The following LOC400499 variants were observed in gnomAD, a reference collection of about 807,000 sequenced individuals.
chr16:11,450,594 C>T, the LOC400499 span: 2 of 1,534,944 alleles, frequency 1.3e-6, no homozygotes, highest in South Asian at 1.2e-5. Context: ...ATATCGGGGG[C>T]CGAGCACTGC....
chr16:11,440,700 G>C, the LOC400499 span: 1 of 399,028 alleles, frequency 2.5e-6, no homozygotes, highest in Non-Finnish European at 4.4e-6. Flanking sequence ...CCCTCGGCAA[G>C]GGAGCAGAAC....
At chr16:11,482,039 C>G in the LOC400499 span, among the ~76,000 whole-genome samples, 3 of 152,266 alleles carry the variant, frequency 2.0e-5, no homozygotes, top group Non-Finnish European at 4.4e-5. Flanking sequence ...ACAAAAGGAA[C>G]TGGATGTGAC....
At chr16:11,400,168 C>A in the LOC400499 span, among the ~76,000 whole-genome samples, 1 of 152,136 alleles carries the variant, frequency 6.6e-6, no homozygotes, top group African/African-American at 2.4e-5. Flanking sequence ...TCTGTCCCTG[C>A]CCATCTGACC....
the LOC400499 span, among the ~76,000 whole-genome samples, chr16:11,519,497 G>T: frequency 2.0e-5 from 3 of 152,104 alleles, no homozygotes; most frequent in East Asian, 5.8e-4. Context: ...AGCACTTTGG[G>T]AGGGCAAGGC....
the LOC400499 span, chr16:11,380,772 G>C: frequency 2.6e-5 from 4 of 152,174 alleles, no homozygotes; most frequent in Non-Finnish European, 5.9e-5. Flanking sequence ...CACTGTGGCT[G>C]TAAGTCTTCT....
the LOC400499 span, chr16:11,417,647 C>T: frequency 5.0e-6 from 2 of 398,998 alleles, no homozygotes; most frequent in Non-Finnish European, 8.8e-6. Flanking sequence ...ATCTGCAGCT[C>T]AGCACTAAGG....
the LOC400499 span, among the ~76,000 whole-genome samples, chr16:11,438,199 C>T: frequency 6.6e-6 from 1 of 152,190 alleles, no homozygotes; most frequent in Admixed American, 6.5e-5. Context: ...CAGACATCAG[C>T]TCCTGGAACA....
At chr16:11,388,434 A>C in the LOC400499 span, among the ~76,000 whole-genome samples, 4 of 152,316 alleles carry the variant, frequency 2.6e-5, no homozygotes, top group Admixed American at 2.6e-4. Context: ...GCACTGAGGC[A>C]GAGGAATCCT....
chr16:11,472,943 C>G, the LOC400499 span: 1 of 151,856 alleles, frequency 6.6e-6, no homozygotes, highest in Non-Finnish European at 1.5e-5. Flanking sequence ...GCCTGGCCAA[C>G]ATAGGAAAAG....
At chr16:11,420,915 C>G in the LOC400499 span, among the ~76,000 whole-genome samples, 1 of 152,358 alleles carries the variant, frequency 6.6e-6, no homozygotes, top group African/African-American at 2.4e-5. Context: ...AGGTCCAGGT[C>G]TGCTGGGCTC....
the LOC400499 span, among the ~76,000 whole-genome samples, chr16:11,452,405 C>A: frequency 6.6e-6 from 1 of 152,238 alleles, no homozygotes; most frequent in East Asian, 1.9e-4. Context: ...CTGCGGGAGG[C>A]TAGGGGCTGC....
the LOC400499 span, among the ~76,000 whole-genome samples, chr16:11,444,920 A>G: frequency 1.3e-5 from 2 of 151,960 alleles, no homozygotes; most frequent in Admixed American, 6.6e-5. Context: ...TGTCTCTACT[A>G]AAAATAAAAA....
chr16:11,440,915 T>C, the LOC400499 span: 2 of 399,084 alleles, frequency 5.0e-6, no homozygotes. Flanking sequence ...CAAACCAGTG[T>C]CTGCCCAATC....
chr16:11,514,495 G>A, the LOC400499 span: 4 of 399,630 alleles, frequency 1.0e-5, no homozygotes, highest in East Asian at 7.1e-5. Flanking sequence ...TCAGCACTCC[G>A]GCCCGGAAGC....
At chr16:11,378,332 C>T in the LOC400499 span, among the ~76,000 whole-genome samples, 2 of 149,404 alleles carry the variant, frequency 1.3e-5, no homozygotes, top group African/African-American at 2.5e-5. Flanking sequence ...GGCACAATCT[C>T]AGCTTACTGC....
the LOC400499 span, among the ~76,000 whole-genome samples, chr16:11,375,921 G>T: frequency 6.6e-6 from 1 of 151,976 alleles, no homozygotes; most frequent in Non-Finnish European, 1.5e-5. Context: ...TAGAGACGGG[G>T]TGAGAAACCC....
the LOC400499 span, chr16:11,457,156 G>C: frequency 1.0e-6 from 1 of 964,076 alleles, no homozygotes; most frequent in Non-Finnish European, 1.5e-6. Context: ...CTCCACACGG[G>C]CAACGGGAGT....
chr16:11,422,359 C>T, the LOC400499 span, among the ~76,000 whole-genome samples: 1 of 152,100 alleles, frequency 6.6e-6, no homozygotes, highest in Non-Finnish European at 1.5e-5. Flanking sequence ...GAGGTCATGC[C>T]ACTACACTCA....
chr16:11,450,564 A>C, the LOC400499 span: 2 of 1,515,838 alleles, frequency 1.3e-6, no homozygotes, highest in Non-Finnish European at 1.8e-6. Context: ...AAAAGATCTC[A>C]GTGGCAGGGG....
Sources: gnomAD v4.1 joint callset for allele counts (sites outside exome capture counted in the v4.1 genomes callset) on GRCh38, gnomAD v4.1.1 for gene constraint, MANE v1.5 for transcripts.